The following PAPPA2 variants were observed in gnomAD, a reference collection of about 807,000 sequenced individuals.
The protein encoded by PAPPA2 is pappalysin 2.
A neutral mutation model predicts 176.4 loss-of-function variants in PAPPA2; 86 were observed. The ratio of observed to expected loss-of-function variants is 0.49; its 90% CI spans 0.41 to 0.58. The LOEUF is 0.58. Among genes scored for constraint, PAPPA2 ranks in the 20% least tolerant of loss-of-function variants. The pLI is 0.00. For synonymous variants in PAPPA2, 809 were observed against 852.2 expected (o/e 0.95, Z 0.88); for missense variants, 2,073 against 2,256.9 (o/e 0.92, Z 1.65).
chr1:176,589,960 A>G (rs1248220356), intron 2 of PAPPA2, among the ~76,000 whole-genome samples: 1 of 152,170 alleles, frequency 6.6e-6, no homozygotes, highest in Non-Finnish European at 1.5e-5. Flanking sequence ...AGTAGGGCTG[A>G]GGGTCCCTCC....
intron 21 of PAPPA2, among the ~76,000 whole-genome samples, chr1:176,821,191 C>A (rs1016311340): frequency 6.6e-6 from 1 of 152,080 alleles, no homozygotes; most frequent in South Asian, 2.1e-4. Context: ...AAAAATGAAT[C>A]AGAAATTCCC....
At position 176,669,476 on chromosome 1, in the gene PAPPA2, A is replaced by G. The variant is rs753253270; in HGVS notation, c.1992-1494A>G. On this transcript the variant is annotated intron_variant, in intron 3 of 22. Transcript: ENST00000367662. ...AGAAAATAAGGAGAATGTGACTAAT[A>G]TCTTGGGAAAACCAGGCAACAACTC... Among the ~76,000 whole-genome samples the G allele has an allele frequency of 5.6e-4, 86 of 152,292 alleles. No individual in the cohort carries two copies. The Middle Eastern group carries it at 0.014, about 24-fold the overall frequency.
At position 176,699,176 on chromosome 1, in the gene PAPPA2, C is replaced by T; in HGVS notation, c.2823C>T (p.Asn941=). ...CTGAGGTCCACCTGTACCACATGAA[C>T]ATGACGGTCCCCTGCCCCACAGAAG... ...WSPEVHLYHM[N]MTVPCPTEGC... is the part of the protein sequence containing the mutation. Residue 941 remains asparagine (N), a synonymous_variant, in exon 8 of 23, where the codon AAC becomes AAT. Transcript: ENST00000367662. 1 of 1,614,158 alleles carries T rather than the reference C, an allele frequency of 6.2e-7. No individual in the cohort carries two copies. Among genetic ancestry groups the T allele is most frequent in the Non-Finnish European group, 8.5e-7 (1 of 1,180,014 alleles).
Position 176,750,801 on chromosome 1 carries a change from C to T in PAPPA2, c.4151+10605C>T, listed in dbSNP as rs183449083. Among the ~76,000 whole-genome samples the T allele has an allele frequency of 3.2e-4, 49 of 152,214 alleles. No homozygotes were observed. In the East Asian group the frequency reaches 8.7e-3, roughly 27 times the overall value. On this transcript the variant is annotated intron_variant, in intron 14 of 22. Coordinates refer to ENST00000367662, the MANE Select transcript of PAPPA2 (RefSeq NM_020318.3). ...TGAGTGGAAATGGATCATTATAAAA[C>T]ATATAAAATTTGAGTCAAGGAAAAA...
chr1:176,473,061 A>G (rs1651954738), intron 1 of PAPPA2, among the ~76,000 whole-genome samples: 1 of 152,154 alleles, frequency 6.6e-6, no homozygotes, highest in African/African-American at 2.4e-5. Flanking sequence ...GTTTATATTA[A>G]GGTTCACTTT....
chr1:176,840,387 G>T, intron 22 of PAPPA2, 116 bp downstream of exon 22: 1 of 794,706 alleles, frequency 1.3e-6, no homozygotes, highest in Non-Finnish European at 2.0e-6. Flanking sequence ...CAATTAGGAG[G>T]GAATTATAAT....
chr1:176,726,832 GA>G (rs1233519538), intron 12 of PAPPA2, among the ~76,000 whole-genome samples: 3 of 152,194 alleles, frequency 2.0e-5, no homozygotes, highest in African/African-American at 7.2e-5. Context: ...ATCTGTGAGC[GA>G]GAATGGAAAG....
At chr1:176,478,914 C>A (rs1037313753) in intron 1 of PAPPA2, among the ~76,000 whole-genome samples, 4 of 152,104 alleles carry the variant, frequency 2.6e-5, no homozygotes, top group African/African-American at 9.7e-5. Flanking sequence ...ACTTTGATGA[C>A]CCTTTGGTGG....
chr1:176,786,715 G>C (rs1664949495), intron 17 of PAPPA2, among the ~76,000 whole-genome samples: 1 of 152,064 alleles, frequency 6.6e-6, no homozygotes, highest in Non-Finnish European at 1.5e-5. Context: ...AGCAAACCTG[G>C]GTCTGCATCC....
chr1:176,629,075 C>T (rs779960326), intron 3 of PAPPA2, among the ~76,000 whole-genome samples: 97 of 152,328 alleles, frequency 6.4e-4, no homozygotes, highest in Non-Finnish European at 6.9e-4. Flanking sequence ...ACTCCAATAA[C>T]TCCCTGTGAT....
rs140243013 is a variant in PAPPA2, at chr1:176,481,292, A to G, written c.-917+17874A>G. ...CACACACACACACACACACACACAC[A>G]CACACACAGACAAAGCACCTTTTTG... On this transcript the variant is annotated intron_variant, in intron 1 of 22. Coordinates refer to ENST00000367662, the MANE Select transcript of PAPPA2 (RefSeq NM_020318.3). Among the ~76,000 whole-genome samples, 323 of 123,352 alleles carry G rather than the reference A, an allele frequency of 2.6e-3. 1 individual carries two copies. The highest frequency in any genetic ancestry group is 3.2e-3 in the Non-Finnish European group (186 of 58,874). 80.9% of individuals were successfully genotyped at this position (123,352 alleles called of 152,430 possible).
intron 14 of PAPPA2, among the ~76,000 whole-genome samples, chr1:176,744,897 A>G (rs1662839209): frequency 6.6e-6 from 1 of 152,164 alleles, no homozygotes; most frequent in African/African-American, 2.4e-5. Context: ...ATATTTCTAT[A>G]TTGTTAGTAT....
At chr1:176,719,619 T>G (rs987733147) in intron 12 of PAPPA2, among the ~76,000 whole-genome samples, 4 of 152,198 alleles carry the variant, frequency 2.6e-5, no homozygotes, top group Admixed American at 2.0e-4. Flanking sequence ...TTTTTTCATT[T>G]ATATCGATAA....
Position 176,695,785 on chromosome 1 carries a change from G to A in PAPPA2, c.2672G>A (p.Arg891His), listed in dbSNP as rs769584951. ...CGACTEDGTF[R>H]QYVHTASSRR... ...GCTTGCACTGAAGATGGGACCTTTCGTCAGTATGTGCACACAGCTTCCTCC... is the reference window on the plus strand; with the variant it reads ...GCTTGCACTGAAGATGGGACCTTTCATCAGTATGTGCACACAGCTTCCTCC... Residue 891 changes from arginine to histidine, a missense_variant, in exon 7 of 23, where the codon CGT becomes CAT. Transcript: ENST00000367662. 2.4e-5 allele frequency: 38 copies of A among 1,613,930 alleles called. No individual in the cohort carries two copies. The highest frequency in any genetic ancestry group is 5.0e-5 in the Admixed American group (3 of 59,986).
At chr1:176,771,833 A>G (rs1262216797) in intron 17 of PAPPA2, among the ~76,000 whole-genome samples, 1 of 152,134 alleles carries the variant, frequency 6.6e-6, no homozygotes, top group Non-Finnish European at 1.5e-5. Flanking sequence ...AAAGCTTTAT[A>G]ATGTAATTTA....
chr1:176,568,217 A>G (rs1429927991), intron 2 of PAPPA2, among the ~76,000 whole-genome samples: 15 of 152,252 alleles, frequency 9.9e-5, no homozygotes, highest in Non-Finnish European at 2.2e-4. Flanking sequence ...CAACATAAAC[A>G]CAGGAAAATG....
At chr1:176,598,371 A>T (rs192234364) in intron 3 of PAPPA2, among the ~76,000 whole-genome samples, 48 of 152,312 alleles carry the variant, frequency 3.2e-4, no homozygotes, top group African/African-American at 1.2e-3. Flanking sequence ...GATACAGACA[A>T]GACTAACTCT....
chr1:176,483,335 G>A lies in PAPPA2; in HGVS notation c.-917+19917G>A, dbSNP rs146117889. ...TGTTTTGCTAATGTATTGGTTAAGAGAAGAGGTAAAAAAGGACTTTGAGGG... is the reference window on the plus strand; with the variant it reads ...TGTTTTGCTAATGTATTGGTTAAGAAAAGAGGTAAAAAAGGACTTTGAGGG... On this transcript the variant is annotated intron_variant, in intron 1 of 22. Coordinates refer to ENST00000367662, the MANE Select transcript of PAPPA2 (RefSeq NM_020318.3). Among the ~76,000 whole-genome samples, 315 of 152,006 alleles carry A rather than the reference G, an allele frequency of 2.1e-3. 4 individuals carry two copies. Among genetic ancestry groups the A allele is most frequent in the African/African-American group, 7.4e-3 (305 of 41,494 alleles).
chr1:176,603,851 G>A (rs1051539026), intron 3 of PAPPA2, among the ~76,000 whole-genome samples: 2 of 152,138 alleles, frequency 1.3e-5, no homozygotes, highest in African/African-American at 4.8e-5. Flanking sequence ...ATAGCAATCA[G>A]AGTAATCCTA....
Sources: allele counts gnomAD v4.1 joint callset (sites outside exome capture counted in the v4.1 genomes callset), GRCh38; gene constraint gnomAD v4.1.1; transcripts MANE v1.5; gene names NCBI Gene and HGNC (gene_info 2026-07-23, HGNC 2026-07-21).